XPNPEP3: variants seen among roughly 807,000 people sequenced by gnomAD.
The protein encoded by XPNPEP3 is xaa-Pro aminopeptidase 3.
XPNPEP3 carries 41 observed loss-of-function variants against 60.0 expected under a neutral mutation model. That is an observed-to-expected ratio of 0.68 (90% CI 0.53 to 0.89). XPNPEP3 has a LOEUF of 0.89. Among genes scored for constraint, XPNPEP3 ranks in the 40% least tolerant of loss-of-function variants. The pLI, the probability that XPNPEP3 is intolerant of heterozygous loss-of-function variation, is 0.00. For missense variants in XPNPEP3, 598 were observed against 638.9 expected (o/e 0.94, Z 0.69); for synonymous variants, 212 against 223.2 (o/e 0.95, Z 0.45).
rs983733765 is a variant in XPNPEP3, at chr22:40,931,134, A to G, written c.*4699A>G. ...AGTGCTGGGATTACAGGTGTGAGCC[A>G]CCGTGCCCAGCCGAGCCTTTAGTTC... On this transcript the variant is annotated 3_prime_UTR_variant, in exon 10 of 10. Transcript: ENST00000357137. 6.6e-6 allele frequency: 1 copy of G among 152,262 alleles called. No homozygotes were observed. The highest frequency in any genetic ancestry group is 1.5e-5 in the Non-Finnish European group (1 of 68,090). The allele number at this position is 152,262 out of a possible 1,614,324, so 9.4% of individuals were successfully genotyped here.
chr22:40,880,684 C>T (rs981368522), intron 2 of XPNPEP3, among the ~76,000 whole-genome samples: 6 of 151,110 alleles, frequency 4.0e-5, no homozygotes, highest in Middle Eastern at 3.2e-3. Context: ...AAGAGGGGGC[C>T]GGGCACGATG....
intron 6 of XPNPEP3, among the ~76,000 whole-genome samples, chr22:40,912,418 C>T (rs2058180423): frequency 6.6e-6 from 1 of 152,192 alleles, no homozygotes; most frequent in Non-Finnish European, 1.5e-5. Context: ...TTATATGTTT[C>T]TACCATTTTG....
chr22:40,881,723 T>C (rs770669668), intron 2 of XPNPEP3, 47 bp from the exon 3 acceptor site: 2 of 1,605,280 alleles, frequency 1.2e-6, no homozygotes, highest in Non-Finnish European at 1.7e-6. Flanking sequence ...CTTAAGTACT[T>C]TGGCACTGCA....
In XPNPEP3 at chr22:40,869,030, C is replaced by T. The variant is rs760431102; in HGVS notation, c.96C>T (p.Ser32=). ...GCMLCSQRRY[S]LQPVPERRIP... ...TGTTGTGTTCACAGCGAAGGTACTC[C>T]CTTCAGCCTGTCCCAGAAAGGAGGA... The change falls in exon 2 of 10, where the codon TCC becomes TCT. Residue 32 remains serine, a synonymous_variant. Transcript: ENST00000357137. 8 of 1,614,040 alleles carry T rather than the reference C, an allele frequency of 5.0e-6. No individual in the cohort carries two copies. The Admixed American group carries it at 1.2e-4, about 24-fold the overall frequency.
intron 7 of XPNPEP3, among the ~76,000 whole-genome samples, chr22:40,914,863 T>C (rs1175200146): frequency 1.3e-5 from 2 of 152,082 alleles, no homozygotes; most frequent in Non-Finnish European, 2.9e-5. Flanking sequence ...AAAATAACTA[T>C]TTAAAGGCAC....
chr22:40,904,560 A>G lies in XPNPEP3; in HGVS notation c.793-3027A>G, dbSNP rs112420670. Among the ~76,000 whole-genome samples, 1,238 of 152,074 alleles carry G rather than the reference A, an allele frequency of 8.1e-3. 11 individuals carry two copies. Among genetic ancestry groups the G allele is most frequent in the Middle Eastern group, 0.014 (4 of 294 alleles). ...CAAGACCCCATCTCTTAAAAAAAAA[A>G]TTTTTTTAAGCCATGACAACAATTA... On this transcript the variant is annotated intron_variant, in intron 4 of 9. Transcript: ENST00000357137.
chr22:40,900,693 C>T (rs2058128740), intron 4 of XPNPEP3, among the ~76,000 whole-genome samples: 1 of 152,074 alleles, frequency 6.6e-6, no homozygotes, highest in Non-Finnish European at 1.5e-5. Flanking sequence ...CTTTGAGAGG[C>T]CAAGGTGGAT....
intron 4 of XPNPEP3, among the ~76,000 whole-genome samples, chr22:40,895,368 A>C (rs1201780308): frequency 6.7e-6 from 1 of 148,230 alleles, no homozygotes; most frequent in Non-Finnish European, 1.5e-5. Context: ...CAGAGTTTTG[A>C]TCTGTCGCCC....
At chr22:40,874,959 A>G (rs2058022104) in intron 2 of XPNPEP3, among the ~76,000 whole-genome samples, 1 of 152,160 alleles carries the variant, frequency 6.6e-6, no homozygotes, top group Admixed American at 6.6e-5. Flanking sequence ...CACCACCATC[A>G]ATAAGTGATG....
At chr22:40,861,606 C>G in intron 1 of XPNPEP3, 1 of 1,612,940 alleles carries the variant, frequency 6.2e-7, no homozygotes. Flanking sequence ...ATCTCTGTTT[C>G]TGTTTCCATA....
chr22:40,889,074 C>T (rs2058079923), intron 4 of XPNPEP3, among the ~76,000 whole-genome samples: 1 of 151,624 alleles, frequency 6.6e-6, no homozygotes, highest in South Asian at 2.1e-4. Flanking sequence ...CGCTATTGCT[C>T]AGGTTGGAGT....
chr22:40,857,387 A>G, intron 1 of XPNPEP3, 142 bp downstream of exon 1: 2 of 951,568 alleles, frequency 2.1e-6, no homozygotes, highest in Non-Finnish European at 3.3e-6. Flanking sequence ...GATTTCTTCT[A>G]TACCGGCTGC....
At chr22:40,860,482 T>G (rs560136465) in intron 1 of XPNPEP3, 1 of 440,552 alleles carries the variant, frequency 2.3e-6, no homozygotes, top group African/African-American at 2.0e-5. Context: ...AACAGCCATT[T>G]CATGAATAAT....
intron 1 of XPNPEP3, among the ~76,000 whole-genome samples, chr22:40,863,688 C>T (rs559479362): frequency 2.0e-5 from 3 of 152,218 alleles, no homozygotes; most frequent in African/African-American, 7.2e-5. Context: ...CCAATAATGT[C>T]GAAAATTATT....
rs761278219 is a variant in XPNPEP3 at position 40,857,233 on chromosome 22, C to T, written c.52C>T (p.Arg18Cys). 33 of 1,614,090 alleles carry T rather than the reference C, an allele frequency of 2.0e-5. 1 individual carries two copies. The highest frequency in any genetic ancestry group is 4.0e-5 in the African/African-American group (3 of 74,938). The change falls in exon 1 of 10, where the codon CGC becomes TGC. Residue 18 changes from arginine to cysteine, a missense_variant. Physicochemically the swap from Arg to Cys is radical, Grantham distance 180 (BLOSUM62 -3). Coordinates refer to ENST00000357137, the MANE Select transcript of XPNPEP3 (RefSeq NM_022098.4). ...PKLVPAVANV[R>C]GLSGCMLCSQ... ...GCTGGTTCCCGCTGTAGCAAACGTC[C>T]GCGGCCTCTCAGGTTAGACTCTTCT...
chr22:40,922,508 T>C lies in XPNPEP3; in HGVS notation c.1231T>C (p.Phe411Leu), dbSNP rs776907880. 9.9e-6 allele frequency: 16 copies of C among 1,613,734 alleles called. No individual in the cohort carries two copies. Among genetic ancestry groups the C allele is most frequent in the Non-Finnish European group, 1.3e-5 (15 of 1,179,968 alleles). ...IMKNIKENNAFKAARKYCPHH... is the reference protein window; with the variant it reads ...IMKNIKENNALKAARKYCPHH... ...GAAGAACATTAAGGAAAATAATGCC[T>C]TCAAGGTACTTCACTTCTCTTGACC... The change falls in exon 8 of 10, where the codon TTC becomes CTC. Residue 411 changes from phenylalanine (F) to leucine (L), a missense_variant. Coordinates refer to ENST00000357137, the MANE Select transcript of XPNPEP3 (RefSeq NM_022098.4).
At chr22:40,860,751 C>T in intron 1 of XPNPEP3, 1 of 767,876 alleles carries the variant, frequency 1.3e-6, no homozygotes, top group African/African-American at 1.8e-5. Context: ...CTTCCAGGCT[C>T]AAGCAGTCTT....
Position 40,865,698 on chromosome 22 carries a change from C to T in XPNPEP3, c.65-3301C>T, listed in dbSNP as rs545340967. On this transcript the variant is annotated intron_variant, in intron 1 of 9. Transcript: ENST00000357137. The stretch of plus-strand genomic sequence containing the variant: ...TACCACACTCTTTTTTTGTGGGGGG[C>T]GGGGGGGCAGCGGGTAGAGACAGGG... 3.8e-4 allele frequency among the ~76,000 whole-genome samples: 7 copies of T among 18,298 alleles called. No individual in the cohort carries two copies. The South Asian group carries it at 0.01, about 27-fold the overall frequency. 12.0% of individuals were successfully genotyped at this position (18,298 alleles called of 152,430 possible).
chr22:40,901,049 G>A (rs2058130343), intron 4 of XPNPEP3, among the ~76,000 whole-genome samples: 2 of 147,850 alleles, frequency 1.4e-5, no homozygotes, highest in African/African-American at 5.0e-5. Flanking sequence ...GAACTCAGGA[G>A]TTCAAGAGCA....
Sources: allele counts gnomAD v4.1 joint callset (sites outside exome capture counted in the v4.1 genomes callset), GRCh38; gene constraint gnomAD v4.1.1; transcripts MANE v1.5; gene names NCBI Gene and HGNC (gene_info 2026-07-23, HGNC 2026-07-21).